The following TEAD1 variants were observed in gnomAD, a reference collection of about 807,000 sequenced individuals.
The protein encoded by TEAD1 is TEA domain transcription factor 1, also known as transcriptional enhancer factor TEF-1.
In TEAD1, 9 loss-of-function variants were observed where a neutral mutation model predicts 54.9. The observed-to-expected ratio is 0.16, with a 90% CI of 0.10 to 0.29. The LOEUF (loss-of-function observed/expected upper bound fraction) is 0.29. TEAD1 is among the 10% of genes least tolerant of loss of function. The pLI is 1.00. For missense variants in TEAD1, 387 were observed against 535.9 expected, an observed-to-expected ratio of 0.72 and a Z score of 2.74; for synonymous variants, 200 against 187.8, an observed-to-expected ratio of 1.07 and a Z score of -0.53.
chr11:12,696,754 C>T (rs1943592639), intron 2 of TEAD1, among the ~76,000 whole-genome samples: 1 of 152,046 alleles, frequency 6.6e-6, no homozygotes, highest in Non-Finnish European at 1.5e-5. Context: ...TAGGGAGGCC[C>T]CGTTCAGCAA....
At chr11:12,799,386 T>C (rs936154165) in intron 3 of TEAD1, among the ~76,000 whole-genome samples, 2 of 152,224 alleles carry the variant, frequency 1.3e-5, no homozygotes, top group African/African-American at 4.8e-5. Flanking sequence ...ACTAAATGCC[T>C]GTGATTCCCA....
intron 3 of TEAD1, among the ~76,000 whole-genome samples, chr11:12,840,939 GACCT>G (rs1291238515): frequency 6.6e-6 from 1 of 152,206 alleles, no homozygotes; most frequent in Non-Finnish European, 1.5e-5. Context: ...TCCCAAGCCA[GACCT>G]GTCTGAAAAT....
intron 3 of TEAD1, among the ~76,000 whole-genome samples, chr11:12,794,940 C>T (rs948651173): frequency 2.6e-5 from 4 of 152,166 alleles, no homozygotes; most frequent in African/African-American, 4.8e-5. Context: ...GCACCTTCAC[C>T]TGATTCAGTC....
At chr11:12,888,864 C>G (rs772533768) in intron 9 of TEAD1, among the ~76,000 whole-genome samples, 3 of 152,168 alleles carry the variant, frequency 2.0e-5, no homozygotes, top group Admixed American at 6.5e-5. Flanking sequence ...AAAGGCTATA[C>G]GGTCCATTTG....
intron 3 of TEAD1, among the ~76,000 whole-genome samples, chr11:12,858,428 C>T (rs1947436060): frequency 6.6e-6 from 1 of 151,976 alleles, no homozygotes; most frequent in Non-Finnish European, 1.5e-5. Flanking sequence ...GCCTGTATTT[C>T]CAAATTAAAA....
intron 3 of TEAD1, among the ~76,000 whole-genome samples, chr11:12,780,363 C>T (rs1384940659): frequency 6.6e-6 from 1 of 151,774 alleles, no homozygotes; most frequent in Non-Finnish European, 1.5e-5. Context: ...CCTGGCTCAG[C>T]CTCCCGAGTA....
At chr11:12,830,098 C>T (rs1992334) in intron 3 of TEAD1, among the ~76,000 whole-genome samples, 81,294 of 151,826 alleles carry the variant, frequency 0.54, 22,819 homozygotes, top group East Asian at 0.74. Flanking sequence ...TGTGGGAAAG[C>T]CCCCGAGCCA....
chr11:12,908,578 G>A (rs998143989), intron 10 of TEAD1, among the ~76,000 whole-genome samples: 3 of 152,120 alleles, frequency 2.0e-5, no homozygotes, highest in African/African-American at 7.2e-5. Context: ...CAAAACGTAA[G>A]GTGAATAAAC....
intron 9 of TEAD1, among the ~76,000 whole-genome samples, chr11:12,899,189 G>A (rs186156658): frequency 7.7e-4 from 117 of 152,266 alleles, no homozygotes; most frequent in African/African-American, 2.7e-3. Context: ...TGCAGAAGGC[G>A]CTAGAATGGA....
chr11:12,832,400 T>C lies in TEAD1; in HGVS notation c.203-29850T>C, dbSNP rs79177418. Among the ~76,000 whole-genome samples the C allele has an allele frequency of 9.9e-3, 1,514 of 152,348 alleles. 24 individuals are homozygous for C. Among genetic ancestry groups the C allele is most frequent in the African/African-American group, 0.035 (1,439 of 41,574 alleles). On this transcript the variant is annotated intron_variant, in intron 3 of 12. Transcript: ENST00000527636. ...AAATTGTCCTCAAAGCTAAACTGTT[T>C]CTTAGCAAAGTGAGAAAAGGCATAA...
At chr11:12,803,479 T>C (rs1407917520) in intron 3 of TEAD1, among the ~76,000 whole-genome samples, 1 of 152,230 alleles carries the variant, frequency 6.6e-6, no homozygotes, top group Non-Finnish European at 1.5e-5. Context: ...AAGGAAACTG[T>C]AGCTTTTTTA....
At chr11:12,891,516 A>C (rs891247881) in intron 9 of TEAD1, among the ~76,000 whole-genome samples, 2 of 152,238 alleles carry the variant, frequency 1.3e-5, no homozygotes, top group Non-Finnish European at 2.9e-5. Context: ...ATAAATGGTA[A>C]TGACTGGGTG....
Position 12,764,226 on chromosome 11 carries a change from C to A in TEAD1, c.-7C>A. ...CAGGCTTCGGCTTGGAAAATCCCACCGCCAAAATTGAGCCCAGCAGCTGGA... is the reference window on the plus strand; with the variant it reads ...CAGGCTTCGGCTTGGAAAATCCCACAGCCAAAATTGAGCCCAGCAGCTGGA... On this transcript the variant is annotated 5_prime_UTR_variant, in exon 3 of 13. Coordinates refer to ENST00000527636, the MANE Select transcript of TEAD1 (RefSeq NM_021961.6). The A allele has an allele frequency of 1.2e-6, 2 of 1,612,164 alleles. No individual in the cohort carries two copies. Among genetic ancestry groups the A allele is most frequent in the Non-Finnish European group, 1.7e-6 (2 of 1,179,428 alleles).
intron 4 of TEAD1, among the ~76,000 whole-genome samples, chr11:12,862,625 C>T (rs1947529540): frequency 1.3e-5 from 2 of 152,186 alleles, no homozygotes; most frequent in South Asian, 2.1e-4. Context: ...CACCTGTGAA[C>T]ACTGCAAAAA....
At chr11:12,865,941 G>A (rs559293896) in intron 5 of TEAD1, among the ~76,000 whole-genome samples, 1 of 152,140 alleles carries the variant, frequency 6.6e-6, no homozygotes. Context: ...AAACAGTGTA[G>A]TCTCACAACA....
At chr11:12,841,739 T>G (rs1947045351) in intron 3 of TEAD1, among the ~76,000 whole-genome samples, 1 of 152,200 alleles carries the variant, frequency 6.6e-6, no homozygotes, top group East Asian at 1.9e-4. Context: ...CTGCATGTGT[T>G]TGGAAGGAAT....
intron 3 of TEAD1, among the ~76,000 whole-genome samples, chr11:12,813,711 A>G (rs999080765): frequency 2.0e-5 from 3 of 152,146 alleles, no homozygotes; most frequent in African/African-American, 7.2e-5. Context: ...TAACCATGAC[A>G]CACTTGGCTC....
At chr11:12,801,754 G>GT (rs1365650975) in intron 3 of TEAD1, among the ~76,000 whole-genome samples, 1 of 152,174 alleles carries the variant, frequency 6.6e-6, no homozygotes, top group African/African-American at 2.4e-5. Flanking sequence ...ACCAAGAATT[G>GT]TATGGTTGTA....
chr11:12,892,470 C>T (rs1011844983), intron 9 of TEAD1, among the ~76,000 whole-genome samples: 9 of 152,092 alleles, frequency 5.9e-5, no homozygotes, highest in Non-Finnish European at 8.8e-5. Flanking sequence ...ATGGTGAATC[C>T]CCCGCTTCTA....
Sources: allele counts gnomAD v4.1 joint callset (sites outside exome capture counted in the v4.1 genomes callset), GRCh38; gene constraint gnomAD v4.1.1; transcripts MANE v1.5; gene names NCBI Gene and HGNC (gene_info 2026-07-23, HGNC 2026-07-21).